Variants in PPFIA2 observed in about 807,000 individuals in gnomAD.
The protein encoded by PPFIA2 is liprin-alpha-2.
In PPFIA2, 46 loss-of-function variants were observed where a neutral mutation model predicts 175.5. The observed-to-expected ratio is 0.26, with a 90% CI of 0.21 to 0.34. The LOEUF (loss-of-function observed/expected upper bound fraction) is 0.34. Among genes scored for constraint, PPFIA2 ranks in the 10% least tolerant of loss-of-function variants. PPFIA2 has a pLI of 1.00. For synonymous variants in PPFIA2, 568 were observed against 511.4 expected, an observed-to-expected ratio of 1.11 and a Z score of -1.49; for missense variants, 1,179 against 1,506.1, an observed-to-expected ratio of 0.78 and a Z score of 3.60.
At position 81,449,909 on chromosome 12, in the gene PPFIA2, AATAGTTT is replaced by A. The variant is rs2052163937; in HGVS notation, c.406-4196_406-4190del. Among the ~76,000 whole-genome samples the A allele has an allele frequency of 2.0e-5, 3 of 150,588 alleles. No homozygotes were observed. The South Asian group carries it at 6.3e-4, about 32-fold the overall frequency. ...GCGGTGTTTGGTTTTTTGTCCTTGC[AATAGTTT>A]GCTGAGAATGATGGTTTCCAGCTTC... On this transcript the variant is annotated intron_variant, in intron 5 of 32. Coordinates refer to ENST00000549396, the MANE Select transcript of PPFIA2 (RefSeq NM_003625.5).
intron 7 of PPFIA2, among the ~76,000 whole-genome samples, chr12:81,411,003 T>A (rs536509106): frequency 2.2e-3 from 329 of 152,186 alleles, no homozygotes; most frequent in African/African-American, 7.5e-3. Flanking sequence ...TTTCCCCTTT[T>A]GTGCCCCAAC....
chr12:81,625,177 A>G (rs1474960946), intron 4 of PPFIA2, among the ~76,000 whole-genome samples: 1 of 151,836 alleles, frequency 6.6e-6, no homozygotes, highest in Non-Finnish European at 1.5e-5. Context: ...GTATGACTAC[A>G]TAAGTATGCT....
chr12:81,712,833 C>T (rs537786726), intron 3 of PPFIA2, among the ~76,000 whole-genome samples: 2 of 150,572 alleles, frequency 1.3e-5, no homozygotes, highest in South Asian at 4.2e-4. Context: ...ATGGAACTGC[C>T]ACCTCGTCAG....
intron 6 of PPFIA2, among the ~76,000 whole-genome samples, chr12:81,443,240 T>C (rs951827652): frequency 3.9e-5 from 6 of 152,038 alleles, no homozygotes; most frequent in Admixed American, 6.6e-5. Flanking sequence ...AGGATTATCT[T>C]AATTCAAGAT....
chr12:81,591,513 G>T lies in PPFIA2; in HGVS notation c.303+85278C>A, dbSNP rs192232939. On this transcript the variant is annotated intron_variant, in intron 4 of 32. Transcript: ENST00000549396. ...GACCTTTGTGGCAGCCCCTCTCATC[G>T]CAGGCCCAGAGGTAGAGGAGGAAAA... Among the ~76,000 whole-genome samples the T allele has an allele frequency of 1.6e-3, 240 of 152,244 alleles. 1 individual carries two copies. Among genetic ancestry groups the T allele is most frequent in the African/African-American group, 5.2e-3 (218 of 41,530 alleles).
intron 4 of PPFIA2, among the ~76,000 whole-genome samples, chr12:81,661,790 T>C (rs1241425605): frequency 2.0e-5 from 3 of 152,052 alleles, no homozygotes; most frequent in Admixed American, 6.6e-5. Flanking sequence ...ATTGACCACA[T>C]AGTTGGAAGT....
chr12:81,349,513 T>C lies in PPFIA2; in HGVS notation c.1995-1743A>G, dbSNP rs187839134. Among the ~76,000 whole-genome samples the C allele has an allele frequency of 2.6e-3, 395 of 152,258 alleles. 1 individual carries two copies. The highest frequency in any genetic ancestry group is 9.1e-3 in the African/African-American group (380 of 41,560). ...AGGTTTAATCAAGTAACATAGTACATAGTAACATAGCTTAACACACATTTG... is the reference window on the plus strand; with the variant it reads ...AGGTTTAATCAAGTAACATAGTACACAGTAACATAGCTTAACACACATTTG... On this transcript the variant is annotated intron_variant, in intron 17 of 32. Coordinates refer to ENST00000549396, the MANE Select transcript of PPFIA2 (RefSeq NM_003625.5).
chr12:81,537,250 A>G (rs751842434), intron 4 of PPFIA2, among the ~76,000 whole-genome samples: 24 of 151,824 alleles, frequency 1.6e-4, no homozygotes, highest in Non-Finnish European at 3.2e-4. Flanking sequence ...TATGTAGTAT[A>G]TGAATTTCAG....
intron 16 of PPFIA2, among the ~76,000 whole-genome samples, chr12:81,357,251 T>C (rs184033746): frequency 6.6e-6 from 1 of 152,332 alleles, no homozygotes; most frequent in East Asian, 1.9e-4. Context: ...TTTGCTCATT[T>C]ATTTATTCAT....
chr12:81,285,958 T>A (rs2043228325), intron 24 of PPFIA2, among the ~76,000 whole-genome samples: 1 of 152,084 alleles, frequency 6.6e-6, no homozygotes, highest in South Asian at 2.1e-4. Flanking sequence ...TGTGTGTTAC[T>A]GCCCCAATGA....
In PPFIA2 at chr12:81,566,959, T is replaced by C. The variant is rs572659928; in HGVS notation, c.304-109093A>G. On this transcript the variant is annotated intron_variant, in intron 4 of 32. Coordinates refer to ENST00000549396, the MANE Select transcript of PPFIA2 (RefSeq NM_003625.5). ...GTTTGTTTCAGGAAACAACTGCATG[T>C]TGTAAGAATAAAATTATAATAGTAA... Among the ~76,000 whole-genome samples, 298 of 152,374 alleles carry C rather than the reference T, an allele frequency of 2.0e-3. 1 individual carries two copies. The highest frequency in any genetic ancestry group is 6.7e-3 in the African/African-American group (279 of 41,586).
intron 5 of PPFIA2, among the ~76,000 whole-genome samples, chr12:81,452,610 C>T (rs1022525714): frequency 5.9e-5 from 9 of 152,172 alleles, no homozygotes; most frequent in Non-Finnish European, 1.2e-4. Flanking sequence ...CATGCATGTA[C>T]ACATATGTAG....
intron 7 of PPFIA2, among the ~76,000 whole-genome samples, chr12:81,406,682 T>C (rs1406321382): frequency 6.6e-6 from 1 of 152,082 alleles, no homozygotes; most frequent in African/African-American, 2.4e-5. Flanking sequence ...TATATATATA[T>C]ATCACTTTGA....
chr12:81,711,603 A>T (rs1359449606), intron 3 of PPFIA2, among the ~76,000 whole-genome samples: 4 of 151,274 alleles, frequency 2.6e-5, no homozygotes, highest in Non-Finnish European at 4.4e-5. Flanking sequence ...TACACTTACC[A>T]TTCAGAATTG....
In PPFIA2 at chr12:81,261,962, T is replaced by C. The variant is rs1429959210; in HGVS notation, c.*20A>G. The C allele has an allele frequency of 6.3e-7, 1 of 1,596,108 alleles. No homozygotes were observed. On this transcript the variant is annotated 3_prime_UTR_variant, in exon 32 of 33. Transcript: ENST00000549396. ...GAAACTACTCACAGCAGGTCAGTGC[T>C]GCCTCCTTTGAGTGGCTGGTCAACA...
At chr12:81,456,201 G>A (rs992450368) in intron 5 of PPFIA2, among the ~76,000 whole-genome samples, 4 of 152,070 alleles carry the variant, frequency 2.6e-5, no homozygotes, top group African/African-American at 9.7e-5. Flanking sequence ...AAATTTGCAC[G>A]AAAACACAGT....
chr12:81,540,278 A>T (rs1007180753), intron 4 of PPFIA2, among the ~76,000 whole-genome samples: 1 of 152,120 alleles, frequency 6.6e-6, no homozygotes, highest in Admixed American at 6.6e-5. Flanking sequence ...TTAAATAGAA[A>T]TATTTATCAT....
At chr12:81,415,212 TATATATATATATATATATATA>T (rs1340467630) in intron 7 of PPFIA2, among the ~76,000 whole-genome samples, 2 of 14,624 alleles carry the variant, frequency 1.4e-4, no homozygotes, top group African/African-American at 2.4e-4. Context: ...AAAAAAAAAA[TATATATATATATATATATATA>T]TATATATATA....
chr12:81,701,393 A>G (rs997956012), intron 3 of PPFIA2, among the ~76,000 whole-genome samples: 1 of 152,136 alleles, frequency 6.6e-6, no homozygotes, highest in African/African-American at 2.4e-5. Context: ...CATCTTGAAG[A>G]AACCACACAA....
Sources: allele counts gnomAD v4.1 joint callset (sites outside exome capture counted in the v4.1 genomes callset), GRCh38; gene constraint gnomAD v4.1.1; transcripts MANE v1.5; gene names NCBI Gene and HGNC (gene_info 2026-07-23, HGNC 2026-07-21).